The following LSAMP variants were observed in gnomAD, a reference collection of about 807,000 sequenced individuals.
LSAMP encodes the protein limbic system associated membrane protein, also known as limbic system-associated membrane protein.
Under a neutral mutation model 38.6 loss-of-function variants are expected in LSAMP, and 7 were observed. That is an observed-to-expected ratio of 0.18 (90% CI 0.10 to 0.34). The LOEUF (loss-of-function observed/expected upper bound fraction) is 0.34, where lower values mean the gene tolerates loss of function less well. Ranked by LOEUF, LSAMP falls within the 10% of genes least tolerant of loss-of-function variation. The probability of loss-of-function intolerance (pLI) is 1.00; values close to 1 mark genes in which losing one functional copy is unlikely to be tolerated. For synonymous variants in LSAMP, 154 were observed against 166.8 expected (o/e 0.92, Z 0.59); for missense variants, 313 against 420.0 (o/e 0.75, Z 2.23).
At chr3:116,353,485 A>C (rs1011635060) in intron 1 of LSAMP, among the ~76,000 whole-genome samples, 5 of 152,234 alleles carry the variant, frequency 3.3e-5, no homozygotes, top group Non-Finnish European at 5.9e-5. Context: ...CACTTCTTGA[A>C]GACAGAGATC....
intron 3 of LSAMP, among the ~76,000 whole-genome samples, chr3:115,966,806 A>C (rs937386188): frequency 6.6e-6 from 1 of 152,238 alleles, no homozygotes; most frequent in African/African-American, 2.4e-5. Flanking sequence ...GGATACATAC[A>C]TATAGGCAAT....
intron 1 of LSAMP, among the ~76,000 whole-genome samples, chr3:116,220,841 G>A: frequency 6.6e-6 from 1 of 152,198 alleles, no homozygotes; most frequent in Admixed American, 6.5e-5. Context: ...CATGGTTCCA[G>A]TCTTGGTTCT....
chr3:116,340,393 T>G (rs1420786535), intron 1 of LSAMP, among the ~76,000 whole-genome samples: 1 of 151,930 alleles, frequency 6.6e-6, no homozygotes, highest in Non-Finnish European at 1.5e-5. Context: ...CATACCCCAG[T>G]GTAGATCAAA....
At chr3:116,348,824 A>T (rs557996793) in intron 1 of LSAMP, among the ~76,000 whole-genome samples, 1 of 152,266 alleles carries the variant, frequency 6.6e-6, no homozygotes, top group South Asian at 2.1e-4. Context: ...TTTATTTATT[A>T]TTGGTGACAC....
At chr3:116,309,222 C>G (rs776879478) in intron 1 of LSAMP, among the ~76,000 whole-genome samples, 1 of 152,062 alleles carries the variant, frequency 6.6e-6, no homozygotes, top group Non-Finnish European at 1.5e-5. Context: ...CATCCTTCTT[C>G]CCATTTCATA....
chr3:115,818,113 C>T (rs1934089223), intron 6 of LSAMP, among the ~76,000 whole-genome samples: 3 of 152,262 alleles, frequency 2.0e-5, no homozygotes, highest in South Asian at 2.1e-4. Context: ...AGAACCTAGT[C>T]CATTATTCCA....
At chr3:115,992,251 G>T (rs1004368997) in intron 3 of LSAMP, among the ~76,000 whole-genome samples, 1 of 152,044 alleles carries the variant, frequency 6.6e-6, no homozygotes, top group African/African-American at 2.4e-5. Context: ...ACCCAGTCAA[G>T]ATGGCAGTGT....
intron 2 of LSAMP, among the ~76,000 whole-genome samples, chr3:116,079,535 C>G (rs745530778): frequency 6.6e-6 from 1 of 151,690 alleles, no homozygotes; most frequent in Non-Finnish European, 1.5e-5. Context: ...CGCCTGTAGT[C>G]CCAGCTACTC....
intron 1 of LSAMP, among the ~76,000 whole-genome samples, chr3:116,207,053 G>A (rs2107600815): frequency 6.6e-6 from 1 of 151,878 alleles, no homozygotes; most frequent in Middle Eastern, 3.4e-3. Context: ...CTCTTTGTAG[G>A]TCACTCAGGA....
chr3:115,868,288 G>C (rs558685167), intron 3 of LSAMP, among the ~76,000 whole-genome samples: 1 of 152,142 alleles, frequency 6.6e-6, no homozygotes, highest in African/African-American at 2.4e-5. Flanking sequence ...TTAGCCATTG[G>C]TTAGAGGATG....
chr3:115,855,576 C>T (rs1406373222), intron 3 of LSAMP, among the ~76,000 whole-genome samples: 1 of 152,164 alleles, frequency 6.6e-6, no homozygotes, highest in African/African-American at 2.4e-5. Context: ...ATAGCTATCT[C>T]AATAAAGTGG....
chr3:115,890,233 G>A (rs1332231972), intron 3 of LSAMP, among the ~76,000 whole-genome samples: 2 of 151,876 alleles, frequency 1.3e-5, no homozygotes, highest in Non-Finnish European at 1.5e-5. Flanking sequence ...ATCTCTCTGG[G>A]ACATTTTGCA....
At position 116,317,604 on chromosome 3, in the gene LSAMP, C is replaced by T. The variant is rs1485306663; in HGVS notation, c.155+127273G>A. On this transcript the variant is annotated intron_variant, in intron 1 of 6. Coordinates refer to ENST00000490035, the MANE Select transcript of LSAMP (RefSeq NM_002338.5). ...TCTCCTGACCTTGTGATCCACCCTC[C>T]TTGGCCTCCCAAAGCGCTGGGATTA... Among the ~76,000 whole-genome samples, 6 of 151,936 alleles carry T rather than the reference C, an allele frequency of 3.9e-5. No individual in the cohort carries two copies. In the East Asian group the frequency reaches 1.2e-3, roughly 31 times the overall value.
chr3:115,864,045 C>T (rs752747882), intron 3 of LSAMP, among the ~76,000 whole-genome samples: 5 of 152,138 alleles, frequency 3.3e-5, no homozygotes, highest in East Asian at 1.9e-4. Context: ...TAACCTACCT[C>T]CTGTACTGTT....
At chr3:116,336,725 A>T (rs147341584) in intron 1 of LSAMP, among the ~76,000 whole-genome samples, 1 of 152,108 alleles carries the variant, frequency 6.6e-6, no homozygotes, top group Non-Finnish European at 1.5e-5. Context: ...TATGGAAAAC[A>T]GTATGGCAAT....
chr3:116,374,684 C>G (rs1327615922), intron 1 of LSAMP, among the ~76,000 whole-genome samples: 2 of 151,850 alleles, frequency 1.3e-5, no homozygotes, highest in Non-Finnish European at 2.9e-5. Flanking sequence ...TGTCAGCACT[C>G]ACTTCTTATT....
intron 3 of LSAMP, among the ~76,000 whole-genome samples, chr3:116,006,332 C>G (rs1419989333): frequency 6.6e-6 from 1 of 152,076 alleles, no homozygotes; most frequent in Non-Finnish European, 1.5e-5. Context: ...AGAAAGAGCC[C>G]TCATCGGAAC....
At chr3:116,310,589 C>G (rs1305872171) in intron 1 of LSAMP, among the ~76,000 whole-genome samples, 1 of 152,144 alleles carries the variant, frequency 6.6e-6, no homozygotes, top group African/African-American at 2.4e-5. Context: ...CTTAAATCTG[C>G]CCAGAAAGAT....
At chr3:116,316,705 A>G (rs2047633216) in intron 1 of LSAMP, among the ~76,000 whole-genome samples, 3 of 142,904 alleles carry the variant, frequency 2.1e-5, no homozygotes, top group African/African-American at 7.7e-5. Context: ...CGGGAGGCAG[A>G]GGTTGCAGTG....
Sources: allele counts gnomAD v4.1 joint callset (sites outside exome capture counted in the v4.1 genomes callset), GRCh38; gene constraint gnomAD v4.1.1; transcripts MANE v1.5; gene names NCBI Gene and HGNC (gene_info 2026-07-23, HGNC 2026-07-21).